The following CDKL3 variants were observed in gnomAD, a reference collection of about 807,000 sequenced individuals.
CDKL3 encodes cyclin dependent kinase like 3.
CDKL3 carries 65 observed loss-of-function variants against 69.3 expected under a neutral mutation model. The ratio of observed to expected loss-of-function variants is 0.94; its 90% CI spans 0.77 to 1.15. CDKL3 has a LOEUF of 1.15. CDKL3 is among the 50% of genes most tolerant of loss of function. The probability of loss-of-function intolerance (pLI) is 0.00; values close to 1 mark genes in which losing one functional copy is unlikely to be tolerated. For missense variants in CDKL3, 652 were observed against 689.2 expected (o/e 0.95, Z 0.61); for synonymous variants, 202 against 221.6 (o/e 0.91, Z 0.79).
chr5:134,355,637 TGTCA>T (rs1386991528), intron 3 of CDKL3, among the ~76,000 whole-genome samples: 2 of 152,262 alleles, frequency 1.3e-5, no homozygotes, highest in Non-Finnish European at 2.9e-5. Flanking sequence ...AATCTTTCTC[TGTCA>T]TTTTCCTCTT....
chr5:134,306,079 A>G (rs1363968027), intron 10 of CDKL3, among the ~76,000 whole-genome samples: 1 of 152,232 alleles, frequency 6.6e-6, no homozygotes, highest in African/African-American at 2.4e-5. Flanking sequence ...AAATTAAGAT[A>G]TATGAACTTA....
chr5:134,301,281 A>G (rs1158485082), intron 12 of CDKL3, among the ~76,000 whole-genome samples: 1 of 152,146 alleles, frequency 6.6e-6, no homozygotes, highest in Admixed American at 6.5e-5. Context: ...TACAGGTGTG[A>G]GCCACTGTGC....
chr5:134,310,867 G>T (rs1482520161), intron 7 of CDKL3, among the ~76,000 whole-genome samples: 1 of 152,186 alleles, frequency 6.6e-6, no homozygotes, highest in Admixed American at 6.5e-5. Context: ...TCACCCTCAA[G>T]GATTCTCTTC....
rs771982001 is a variant in CDKL3 at position 134,308,545 on chromosome 5, C to T, written c.1035+29G>A. 1.9e-6 allele frequency: 3 copies of T among 1,558,912 alleles called. No individual in the cohort carries two copies. In the Admixed American group the frequency reaches 6.3e-5, roughly 33 times the overall value. On this transcript the variant is annotated intron_variant, in intron 8 of 12. Coordinates refer to ENST00000265334, the MANE Select transcript of CDKL3 (RefSeq NM_001113575.2). ...AGAGTCTAACTATAATATAATTATA[C>T]TGGCTGAAACAAAAACCAAAGTTCT...
intron 9 of CDKL3, 163 bp downstream of exon 9, chr5:134,307,975 A>G: frequency 9.1e-7 from 1 of 1,102,018 alleles, no homozygotes; most frequent in Non-Finnish European, 1.2e-6. Context: ...TTTCTTCTAC[A>G]GCATCCATAA....
At chr5:134,363,752 C>T (rs1455229639) in intron 2 of CDKL3, among the ~76,000 whole-genome samples, 6 of 152,064 alleles carry the variant, frequency 3.9e-5, no homozygotes, top group East Asian at 1.9e-4. Context: ...TGAACCACCG[C>T]GCCCAGCGTA....
downstream of CDKL3, among the ~76,000 whole-genome samples, chr5:134,293,460 T>C (rs1765214551): frequency 6.6e-6 from 1 of 152,042 alleles, no homozygotes; most frequent in African/African-American, 2.4e-5. Context: ...ATAATAAAAC[T>C]AGACAAGGAC....
intron 7 of CDKL3, among the ~76,000 whole-genome samples, chr5:134,311,973 T>G (rs1769652966): frequency 1.3e-5 from 2 of 152,068 alleles, no homozygotes; most frequent in African/African-American, 4.8e-5. Context: ...TTTTGTATTT[T>G]TTGTAGAGAC....
chr5:134,366,584 G>T, intron 1 of CDKL3, 40 bp from the exon 2 acceptor site: 1 of 1,259,144 alleles, frequency 7.9e-7, no homozygotes, highest in East Asian at 2.5e-5. Flanking sequence ...AATGTTAAAC[G>T]TTTATACTTT....
At chr5:134,334,934 T>C (rs1301923689) in intron 4 of CDKL3, among the ~76,000 whole-genome samples, 2 of 152,132 alleles carry the variant, frequency 1.3e-5, no homozygotes, top group Non-Finnish European at 2.9e-5. Flanking sequence ...CCCGTTATTA[T>C]TGTGTGGGAG....
intron 4 of CDKL3, among the ~76,000 whole-genome samples, chr5:134,346,877 T>C (rs917274962): frequency 6.6e-6 from 1 of 152,226 alleles, no homozygotes. Flanking sequence ...GAGTTCATAA[T>C]GATATTTCTA....
At chr5:134,350,737 T>C (rs1394217008) in intron 3 of CDKL3, among the ~76,000 whole-genome samples, 1 of 150,020 alleles carries the variant, frequency 6.7e-6, no homozygotes, top group Admixed American at 6.7e-5. Context: ...CCTAGTACTT[T>C]GGGAGGCCAA....
intron 3 of CDKL3, among the ~76,000 whole-genome samples, chr5:134,353,509 T>C (rs527893463): frequency 1.3e-5 from 2 of 151,940 alleles, no homozygotes; most frequent in African/African-American, 2.4e-5. Context: ...GTCTCCACAA[T>C]GAAGTCACAG....
intron 4 of CDKL3, among the ~76,000 whole-genome samples, chr5:134,348,267 C>T (rs907644621): frequency 2.8e-4 from 43 of 152,056 alleles, no homozygotes; most frequent in African/African-American, 9.4e-4. Flanking sequence ...AAATCAGTAT[C>T]GTGGTTGCTT....
intron 4 of CDKL3, among the ~76,000 whole-genome samples, chr5:134,346,169 C>A (rs1401247215): frequency 3.3e-5 from 5 of 152,140 alleles, no homozygotes; most frequent in Non-Finnish European, 4.4e-5. Flanking sequence ...GTCATAAGAC[C>A]TTCATTCCAG....
At chr5:134,329,579 C>G (rs1195688824) in intron 4 of CDKL3, among the ~76,000 whole-genome samples, 2 of 151,570 alleles carry the variant, frequency 1.3e-5, no homozygotes, top group Admixed American at 1.3e-4. Context: ...ACGCCATTCT[C>G]CTGCCTCAGC....
At chr5:134,367,287 G>A, upstream of CDKL3, 1 of 984,750 alleles carries the variant, frequency 1.0e-6, no homozygotes, top group South Asian at 4.7e-5. Flanking sequence ...GCTTGGGAAT[G>A]GGGGAGGGGA....
chr5:134,350,376 T>A lies in CDKL3; in HGVS notation c.412A>T (p.Ile138Phe), dbSNP rs748307362. 6.3e-7 allele frequency: 1 copy of A among 1,579,912 alleles called. No homozygotes were observed. The highest frequency in any genetic ancestry group is 2.3e-5 in the East Asian group (1 of 43,720). Residue 138 changes from isoleucine (I) to phenylalanine (F), a missense_variant, in exon 4 of 13, where the codon ATT (isoleucine) becomes TTT (phenylalanine). Coordinates refer to ENST00000265334, the MANE Select transcript of CDKL3 (RefSeq NM_001113575.2). ...PENILVSQSG[I>F]TKLCDFGFAR... is the part of the protein sequence containing the mutation. ...AAACCAAAATCACAGAGCTTAGTAATTCCTGACTGGGATACTAAAATATTC... is the reference window on the plus strand; with the variant it reads ...AAACCAAAATCACAGAGCTTAGTAAATCCTGACTGGGATACTAAAATATTC...
intron 4 of CDKL3, among the ~76,000 whole-genome samples, chr5:134,340,997 C>T (rs2149561355): frequency 6.6e-6 from 1 of 152,242 alleles, no homozygotes; most frequent in South Asian, 2.1e-4. Flanking sequence ...CTGTGACCAA[C>T]TGGGATTTAT....
Sources: gnomAD v4.1 joint callset for allele counts (sites outside exome capture counted in the v4.1 genomes callset) on GRCh38, gnomAD v4.1.1 for gene constraint, MANE v1.5 for transcripts, NCBI Gene and HGNC (gene_info 2026-07-23, HGNC 2026-07-21) for gene names.